Variants in CAPZB observed in about 807,000 individuals in gnomAD.
The protein encoded by CAPZB is capping actin protein of muscle Z-line subunit beta, also known as F-actin-capping protein subunit beta.
Under a neutral mutation model 38.1 loss-of-function variants are expected in CAPZB, and 2 were observed. The observed-to-expected ratio is 0.05, with a 90% CI of 0.02 to 0.17. CAPZB has a LOEUF of 0.17. CAPZB is among the 10% of genes least tolerant of loss of function. CAPZB has a pLI of 1.00. For missense variants in CAPZB, 161 were observed against 334.2 expected (o/e 0.48, Z 4.04); for synonymous variants, 107 against 127.4 (o/e 0.84, Z 1.08).
intron 4 of CAPZB, among the ~76,000 whole-genome samples, chr1:19,362,275 C>T (rs866833261): frequency 2.0e-5 from 3 of 152,142 alleles, no homozygotes; most frequent in South Asian, 2.1e-4. Flanking sequence ...CTCGCTCTGT[C>T]GCCCAGGCTG....
chr1:19,469,202 G>A (rs1449648247), intron 1 of CAPZB, among the ~76,000 whole-genome samples: 1 of 152,216 alleles, frequency 6.6e-6, no homozygotes, highest in Non-Finnish European at 1.5e-5. Context: ...GACACAGGCA[G>A]GAGGGAACAG....
chr1:19,405,463 T>C (rs1273453272), intron 2 of CAPZB, among the ~76,000 whole-genome samples: 1 of 146,332 alleles, frequency 6.8e-6, no homozygotes, highest in Non-Finnish European at 1.5e-5. Context: ...GGCGAAGAAG[T>C]ATTAAGCCTC....
At chr1:19,431,225 G>A (rs11582120) in intron 1 of CAPZB, among the ~76,000 whole-genome samples, 166 of 152,278 alleles carry the variant, frequency 1.1e-3, no homozygotes, top group African/African-American at 3.5e-3. Flanking sequence ...CTTTTTGAGC[G>A]AAGACATGAG....
intron 1 of CAPZB, among the ~76,000 whole-genome samples, chr1:19,435,878 G>A (rs2094456607): frequency 6.6e-6 from 1 of 152,170 alleles, no homozygotes; most frequent in African/African-American, 2.4e-5. Flanking sequence ...AAGAGGAGCG[G>A]GTTATTTAGC....
intron 3 of CAPZB, among the ~76,000 whole-genome samples, chr1:19,379,095 T>TC (rs927497949): frequency 8.0e-6 from 1 of 124,842 alleles, no homozygotes; most frequent in Non-Finnish European, 1.7e-5. Context: ...TATTTTTTTT[T>TC]CTTTCTTTTT....
At chr1:19,460,669 TCA>T (rs1380841590) in intron 1 of CAPZB, among the ~76,000 whole-genome samples, 2 of 140,326 alleles carry the variant, frequency 1.4e-5, no homozygotes, top group African/African-American at 5.3e-5. Flanking sequence ...CACCTCAGCA[TCA>T]CAGAGTGCAG....
At chr1:19,441,074 A>G (rs926597820) in intron 1 of CAPZB, among the ~76,000 whole-genome samples, 6 of 152,134 alleles carry the variant, frequency 3.9e-5, no homozygotes, top group African/African-American at 4.8e-5. Flanking sequence ...CAAAAAACAA[A>G]AAACAAAAAA....
intron 1 of CAPZB, among the ~76,000 whole-genome samples, chr1:19,480,356 A>C (rs6662017): frequency 0.95 from 144,012 of 152,262 alleles, 68,292 homozygotes; most frequent in East Asian, 1. Flanking sequence ...ATGCGACGGA[A>C]CAGGAAAACT....
chr1:19,390,280 C>T (rs1007053126), intron 2 of CAPZB, among the ~76,000 whole-genome samples: 5 of 152,212 alleles, frequency 3.3e-5, no homozygotes, highest in East Asian at 1.9e-4. Flanking sequence ...CAAACAAAGC[C>T]GAGAGTTCAC....
chr1:19,344,086 A>C (rs2093947793), intron 8 of CAPZB, among the ~76,000 whole-genome samples: 1 of 152,154 alleles, frequency 6.6e-6, no homozygotes, highest in African/African-American at 2.4e-5. Flanking sequence ...AGGGCTGAGG[A>C]GGCTCCGGGG....
intron 1 of CAPZB, among the ~76,000 whole-genome samples, chr1:19,427,271 C>G (rs2094426299): frequency 6.6e-6 from 1 of 152,218 alleles, no homozygotes; most frequent in Non-Finnish European, 1.5e-5. Flanking sequence ...TTGTGCTTAA[C>G]AGCATCTGTC....
intron 8 of CAPZB, 76 bp from the exon 9 acceptor site, chr1:19,339,693 C>A: frequency 8.9e-7 from 1 of 1,119,920 alleles, no homozygotes. Context: ...GGCCACCATG[C>A]CAGTGCCTGG....
chr1:19,347,301 C>A (rs1423357300), intron 6 of CAPZB, among the ~76,000 whole-genome samples: 2 of 152,116 alleles, frequency 1.3e-5, no homozygotes, highest in Non-Finnish European at 2.9e-5. Context: ...GTGAACAAGC[C>A]CTGCACGAGA....
intron 1 of CAPZB, among the ~76,000 whole-genome samples, chr1:19,430,803 G>A (rs1378444143): frequency 6.6e-6 from 1 of 152,134 alleles, no homozygotes; most frequent in Non-Finnish European, 1.5e-5. Context: ...CTAAAGGCAA[G>A]CACTGCCTGC....
intron 2 of CAPZB, among the ~76,000 whole-genome samples, chr1:19,395,704 C>G (rs1194123469): frequency 6.6e-6 from 1 of 152,208 alleles, no homozygotes; most frequent in Non-Finnish European, 1.5e-5. Context: ...ATTTCCTGGC[C>G]AGGCACACAA....
chr1:19,417,786 C>T (rs112145116), intron 2 of CAPZB, among the ~76,000 whole-genome samples: 3,819 of 152,178 alleles, frequency 0.025, 139 homozygotes, highest in African/African-American at 0.079. Flanking sequence ...ATGCTCAGGC[C>T]CAGGTTCTAC....
chr1:19,451,784 A>G (rs1253419321), intron 1 of CAPZB, among the ~76,000 whole-genome samples: 1 of 151,996 alleles, frequency 6.6e-6, no homozygotes, highest in Non-Finnish European at 1.5e-5. Context: ...TGATGACTTT[A>G]AAGTGCCTCA....
intron 1 of CAPZB, among the ~76,000 whole-genome samples, chr1:19,470,978 C>T (rs563319834): frequency 2.0e-5 from 3 of 152,236 alleles, no homozygotes; most frequent in Admixed American, 2.0e-4. Context: ...ACAGTGGCCC[C>T]CCTTTATCCT....
At chr1:19,343,912 G>T (rs2093946571) in intron 8 of CAPZB, among the ~76,000 whole-genome samples, 1 of 152,196 alleles carries the variant, frequency 6.6e-6, no homozygotes, top group Admixed American at 6.5e-5. Context: ...GAGGCTGGGG[G>T]CCTGAGAAGG....
Sources: gnomAD v4.1 joint callset for allele counts (sites outside exome capture counted in the v4.1 genomes callset) on GRCh38, gnomAD v4.1.1 for gene constraint, MANE v1.5 for transcripts, NCBI Gene and HGNC (gene_info 2026-07-23, HGNC 2026-07-21) for gene names.